Variants in DENND4A observed in about 807,000 individuals in gnomAD.
DENND4A encodes C-myc promoter-binding protein.
Under a neutral mutation model 199.3 loss-of-function variants are expected in DENND4A, and 70 were observed. The observed-to-expected ratio is 0.35, with a 90% CI of 0.29 to 0.43. The LOEUF is 0.43. Among genes scored for constraint, DENND4A ranks in the 20% least tolerant of loss-of-function variants. The pLI is 1.00. For synonymous variants in DENND4A, 686 were observed against 766.9 expected (o/e 0.89, Z 1.74); for missense variants, 1,723 against 2,255.8 (o/e 0.76, Z 4.78).
intron 23 of DENND4A, among the ~76,000 whole-genome samples, chr15:65,688,468 T>C (rs1394750965): frequency 2.0e-5 from 3 of 152,258 alleles, no homozygotes; most frequent in Non-Finnish European, 2.9e-5. Context: ...TTATAATACT[T>C]CCGAGATTGT....
intron 30 of DENND4A, 49 bp from the exon 31 acceptor site, chr15:65,664,771 G>A: frequency 6.8e-7 from 1 of 1,479,342 alleles, no homozygotes; most frequent in Non-Finnish European, 9.1e-7. Flanking sequence ...TGTGTAGAAA[G>A]GAGAAAGAAA....
intron 32 of DENND4A, among the ~76,000 whole-genome samples, chr15:65,663,502 C>T (rs1046432749): frequency 2.0e-5 from 3 of 152,022 alleles, no homozygotes; most frequent in Non-Finnish European, 4.4e-5. Flanking sequence ...AACCACTGCA[C>T]CTGGCTGATT....
intron 29 of DENND4A, 73 bp from the exon 30 acceptor site, chr15:65,665,535 A>G (rs2076006697): frequency 1.3e-5 from 16 of 1,209,910 alleles, no homozygotes; most frequent in Non-Finnish European, 1.8e-5. Flanking sequence ...TAAAATTCTT[A>G]TAAATATTTT....
intron 1 of DENND4A, among the ~76,000 whole-genome samples, chr15:65,784,123 C>T (rs1567110074): frequency 1.3e-5 from 2 of 152,136 alleles, no homozygotes. Context: ...TAATCCCAGT[C>T]TAACCATGAA....
In DENND4A at chr15:65,697,321, A is replaced by C. The variant is rs759452716; in HGVS notation, c.2896T>G (p.Ser966Ala). Residue 966 changes from serine (S) to alanine (A), a missense_variant, in exon 21 of 33, where the codon TCT becomes GCT. Ser to Ala is a moderately conservative substitution (Grantham distance 99). This residue lies in a region of DENND4A where 650 missense variants were observed against 738.1 expected (regional missense o/e 0.88). Transcript: ENST00000443035. The stretch of plus-strand genomic sequence containing the variant: ...TTTTCTTCTTGAATGTCTTCAGTAG[A>C]TGTATCCCCTCTTCTAACTTCATCT... ...SKDEVRRGDTSTEDIQEEKDK... is the reference protein window; with the variant it reads ...SKDEVRRGDTATEDIQEEKDK... The C allele has an allele frequency of 6.2e-7, 1 of 1,609,396 alleles. No individual in the cohort carries two copies. Among genetic ancestry groups the C allele is most frequent in the Non-Finnish European group, 8.5e-7 (1 of 1,177,478 alleles).
intron 12 of DENND4A, among the ~76,000 whole-genome samples, chr15:65,719,729 AT>A (rs34782750): frequency 0.57 from 84,719 of 147,562 alleles, 26,816 homozygotes; most frequent in African/African-American, 0.87. Context: ...TCTCTACAGA[AT>A]TTTTTTTTTT....
chr15:65,719,724 A>G (rs1394303224), intron 12 of DENND4A, among the ~76,000 whole-genome samples: 1 of 110,252 alleles, frequency 9.1e-6, no homozygotes, highest in Non-Finnish European at 1.7e-5. Flanking sequence ...TCCCATCTCT[A>G]CAGAATTTTT....
In DENND4A at chr15:65,717,878, G is replaced by A. The variant is rs1190226118; in HGVS notation, c.1707C>T (p.Phe569=). The part of the protein sequence containing the change: ...DLEIQEAFLF[F]MASILKGYRS... ...TGTAACCTTTTAAAATAGAGGCCAT[G>A]AAAAACAAAAATGCCTCTTGGATTT... The change falls in exon 13 of 33, where the codon TTC becomes TTT. Residue 569 remains phenylalanine (F), a synonymous_variant. Transcript: ENST00000443035. 6.2e-7 allele frequency: 1 copy of A among 1,605,250 alleles called. No individual in the cohort carries two copies. Among genetic ancestry groups the A allele is most frequent in the Non-Finnish European group, 8.5e-7 (1 of 1,175,280 alleles).
At chr15:65,702,679 T>C (rs1052174149) in intron 16 of DENND4A, among the ~76,000 whole-genome samples, 168 bp from the exon 17 acceptor site, 3 of 152,246 alleles carry the variant, frequency 2.0e-5, no homozygotes, top group East Asian at 3.8e-4. Flanking sequence ...TTAAACAGCA[T>C]ATAAAATAAA....
rs150365655 is a variant in DENND4A, at chr15:65,771,615, G to A, written c.-101-10177C>T. 73 of 1,612,450 alleles carry A rather than the reference G, an allele frequency of 4.5e-5. No individual in the cohort carries two copies. In the Middle Eastern group the frequency reaches 1.3e-3, roughly 29 times the overall value. On this transcript the variant is annotated intron_variant, in intron 1 of 32. Transcript: ENST00000443035. ...TCCTCTTCTCTTTCATGTCCACTAT[G>A]TCAATGCTGATGTTGTTGGCTATAA...
chr15:65,726,203 C>T (rs951252985), intron 11 of DENND4A: 2 of 152,166 alleles, frequency 1.3e-5, no homozygotes, highest in African/African-American at 2.4e-5. Flanking sequence ...AGTGATCCTC[C>T]TGCCTCAGCC....
chr15:65,720,945 G>GAC (rs1555425636), intron 12 of DENND4A, among the ~76,000 whole-genome samples: 1 of 47,838 alleles, frequency 2.1e-5, no homozygotes. Flanking sequence ...CTGTTTCATT[G>GAC]ATTATATATA....
rs182191376 is a variant in DENND4A, at chr15:65,694,159, A to G, written c.3082+2207T>C. Among the ~76,000 whole-genome samples, 13 of 152,322 alleles carry G rather than the reference A, an allele frequency of 8.5e-5. No individual in the cohort carries two copies. The South Asian group carries it at 1.9e-3, about 22-fold the overall frequency. Reference sequence around the variant, plus strand: ...TATCAAAACATTAAATTCTCAAGATAATAATGAGGGCTGGAGCAGAGGCTC... The same window carrying G: ...TATCAAAACATTAAATTCTCAAGATGATAATGAGGGCTGGAGCAGAGGCTC... On this transcript the variant is annotated intron_variant, in intron 22 of 32. Coordinates refer to ENST00000443035, the MANE Select transcript of DENND4A (RefSeq NM_001320835.1).
intron 1 of DENND4A, among the ~76,000 whole-genome samples, chr15:65,768,838 G>C (rs2077051411): frequency 6.6e-6 from 1 of 151,466 alleles, no homozygotes; most frequent in African/African-American, 2.4e-5. Context: ...ACAAAAAAAA[G>C]AAAAAAATAG....
At chr15:65,751,147 T>A (rs762945998) in intron 4 of DENND4A, among the ~76,000 whole-genome samples, 12 of 152,146 alleles carry the variant, frequency 7.9e-5, no homozygotes, top group Non-Finnish European at 1.6e-4. Flanking sequence ...ACTGCAATAA[T>A]CCCATTAAGA....
chr15:65,679,663 T>C (rs985222151), intron 23 of DENND4A, among the ~76,000 whole-genome samples: 9 of 151,824 alleles, frequency 5.9e-5, no homozygotes, highest in Non-Finnish European at 7.4e-5. Context: ...CCCAAGCAGC[T>C]GGGACCACAG....
At chr15:65,773,344 C>G (rs1418792665) in intron 1 of DENND4A, among the ~76,000 whole-genome samples, 1 of 152,158 alleles carries the variant, frequency 6.6e-6, no homozygotes, top group African/African-American at 2.4e-5. Flanking sequence ...CACTAAAACA[C>G]AAAGACAAAT....
At chr15:65,727,111 C>T (rs2075823194) in intron 11 of DENND4A, among the ~76,000 whole-genome samples, 2 of 151,772 alleles carry the variant, frequency 1.3e-5, no homozygotes, top group South Asian at 2.1e-4. Flanking sequence ...GTCAGGAGTT[C>T]CAAACCAGCC....
At chr15:65,664,859 C>A in intron 30 of DENND4A, 137 bp from the exon 31 acceptor site, 1 of 766,986 alleles carries the variant, frequency 1.3e-6, no homozygotes, top group Non-Finnish European at 2.0e-6. Context: ...AATAGGAATC[C>A]AAGAATGAAG....
Sources: gnomAD v4.1 joint callset for allele counts (sites outside exome capture counted in the v4.1 genomes callset) on GRCh38, gnomAD v4.1.1 for gene constraint, gnomAD v4.1.1 regional missense constraint, MANE v1.5 for transcripts, NCBI Gene and HGNC (gene_info 2026-07-23, HGNC 2026-07-21) for gene names.